Variants in NBEA observed in about 807,000 individuals in gnomAD.
NBEA encodes neurobeachin.
Under a neutral mutation model 343.4 loss-of-function variants are expected in NBEA, and 44 were observed. The observed-to-expected ratio is 0.13, with a 90% confidence interval of 0.10 to 0.16. NBEA has a LOEUF of 0.16. Among genes scored for constraint, NBEA ranks in the 10% least tolerant of loss-of-function variants. The pLI is 1.00. For missense variants in NBEA, 2,555 were observed against 3,631.3 expected (o/e 0.70, Z 7.62); for synonymous variants, 1,175 against 1,238.7 (o/e 0.95, Z 1.08).
intron 44 of NBEA, among the ~76,000 whole-genome samples, chr13:35,556,922 T>C (rs2079597479): frequency 6.6e-6 from 1 of 152,174 alleles, no homozygotes; most frequent in Non-Finnish European, 1.5e-5. Context: ...GGGATGATAT[T>C]CTCTGTACGT....
intron 40 of NBEA, among the ~76,000 whole-genome samples, chr13:35,471,325 G>T (rs1478705515): frequency 6.6e-6 from 1 of 152,204 alleles, no homozygotes; most frequent in Admixed American, 6.5e-5. Flanking sequence ...CGCCCGGAGG[G>T]CCGAGGCCTA....
intron 41 of NBEA, among the ~76,000 whole-genome samples, chr13:35,502,873 A>G (rs1437843364): frequency 6.6e-6 from 1 of 152,198 alleles, no homozygotes; most frequent in East Asian, 1.9e-4. Flanking sequence ...AATGGAAACT[A>G]GAAAGCTTAA....
intron 13 of NBEA, among the ~76,000 whole-genome samples, chr13:35,116,666 A>G (rs551761144): frequency 6.6e-6 from 1 of 152,186 alleles, no homozygotes; most frequent in African/African-American, 2.4e-5. Context: ...GTAAAGCAGT[A>G]GATAAATACT....
chr13:34,970,718 T>C (rs2059971356), intron 1 of NBEA, among the ~76,000 whole-genome samples: 1 of 152,084 alleles, frequency 6.6e-6, no homozygotes, highest in Non-Finnish European at 1.5e-5. Context: ...CTGGGTTCTT[T>C]TTTCTGTTGA....
chr13:35,119,793 G>A (rs1050134439), intron 16 of NBEA, among the ~76,000 whole-genome samples: 2 of 152,174 alleles, frequency 1.3e-5, no homozygotes, highest in African/African-American at 4.8e-5. Flanking sequence ...GTTTCACCAT[G>A]TTAGCCAGGA....
intron 36 of NBEA, among the ~76,000 whole-genome samples, chr13:35,336,384 T>C (rs1016347264): frequency 1.3e-5 from 2 of 152,100 alleles, no homozygotes; most frequent in East Asian, 1.9e-4. Flanking sequence ...TTTTAAAATA[T>C]GTTCCACTAG....
intron 18 of NBEA, among the ~76,000 whole-genome samples, chr13:35,146,419 C>T (rs1164735256): frequency 6.6e-6 from 1 of 152,084 alleles, no homozygotes; most frequent in Non-Finnish European, 1.5e-5. Flanking sequence ...TGTCGAGTTA[C>T]CCAAAGCTCC....
chr13:35,002,968 G>A (rs963429276), intron 1 of NBEA, among the ~76,000 whole-genome samples: 2 of 152,080 alleles, frequency 1.3e-5, no homozygotes, highest in Non-Finnish European at 2.9e-5. Context: ...GGTACATACC[G>A]TAAGCCAACA....
At chr13:35,118,321 T>A in intron 15 of NBEA, 31 bp downstream of exon 15, 2 of 1,564,074 alleles carry the variant, frequency 1.3e-6, no homozygotes, top group African/African-American at 1.4e-5. Flanking sequence ...TTTATTTTAA[T>A]TATTTAAGCC....
intron 38 of NBEA, among the ~76,000 whole-genome samples, chr13:35,430,730 T>G (rs1296823362): frequency 6.6e-6 from 1 of 152,172 alleles, no homozygotes; most frequent in Non-Finnish European, 1.5e-5. Context: ...GACTTAATTT[T>G]AACATAATCT....
In NBEA at chr13:35,469,052, A is replaced by G. The variant is rs1052268250; in HGVS notation, c.6449-3348A>G. 3.8e-5 allele frequency among the ~76,000 whole-genome samples: 5 copies of G among 132,090 alleles called. No homozygotes were observed. In the East Asian group the frequency reaches 1.2e-3, roughly 31 times the overall value. The allele number at this position is 132,090 out of a possible 152,430, so 86.7% of individuals were successfully genotyped here. ...GGGCAGAAGTTGCAGTGAGCCAGAG[A>G]TTGAGCCATTGCACTCCAGCCTGGG... On this transcript the variant is annotated intron_variant, in intron 40 of 58. Coordinates refer to ENST00000379939, the MANE Select transcript of NBEA (RefSeq NM_001385012.1).
At chr13:35,199,421 A>C (rs2072861447) in intron 31 of NBEA, among the ~76,000 whole-genome samples, 3 of 152,088 alleles carry the variant, frequency 2.0e-5, no homozygotes, top group Admixed American at 6.6e-5. Context: ...TTTACCAATA[A>C]CGTGTTTTTC....
intron 10 of NBEA, among the ~76,000 whole-genome samples, chr13:35,074,534 G>A (rs1053882395): frequency 1.4e-4 from 22 of 152,106 alleles, no homozygotes; most frequent in Admixed American, 2.0e-4. Flanking sequence ...AATATATTGC[G>A]TAAGTGTTCT....
intron 41 of NBEA, chr13:35,474,969 C>T (rs545198662): frequency 2.2e-6 from 3 of 1,345,850 alleles, no homozygotes; most frequent in East Asian, 2.3e-5. Flanking sequence ...GTTTGCACTG[C>T]GGAGTGGAAT....
intron 4 of NBEA, among the ~76,000 whole-genome samples, chr13:35,047,372 T>G (rs1206949106): frequency 6.6e-6 from 1 of 151,986 alleles, no homozygotes; most frequent in African/African-American, 2.4e-5. Context: ...CAAATACAGC[T>G]TGCTACAATA....
chr13:35,295,330 T>C (rs1243646517), intron 35 of NBEA, among the ~76,000 whole-genome samples: 1 of 151,820 alleles, frequency 6.6e-6, no homozygotes, highest in African/African-American at 2.4e-5. Flanking sequence ...TCATTGACTA[T>C]AGATTCTGTT....
intron 50 of NBEA, 57 bp from the exon 51 acceptor site, chr13:35,646,202 G>A (rs1162817852): frequency 2.3e-6 from 3 of 1,320,344 alleles, no homozygotes; most frequent in Non-Finnish European, 1.1e-6. Context: ...CAAAGAGTGT[G>A]TTGGCCTCTC....
chr13:35,016,778 A>G (rs114725309), intron 1 of NBEA, among the ~76,000 whole-genome samples: 10 of 152,146 alleles, frequency 6.6e-5, no homozygotes, highest in Admixed American at 3.3e-4. Flanking sequence ...AGAGGCAGCA[A>G]CTCAAACTGA....
At chr13:35,412,823 C>A (rs983970973) in intron 38 of NBEA, among the ~76,000 whole-genome samples, 1 of 152,114 alleles carries the variant, frequency 6.6e-6, no homozygotes, top group Non-Finnish European at 1.5e-5. Context: ...GCAAGGAAGT[C>A]AGACTGCCTG....
Sources: allele counts gnomAD v4.1 joint callset (sites outside exome capture counted in the v4.1 genomes callset), GRCh38; gene constraint gnomAD v4.1.1; transcripts MANE v1.5; gene names NCBI Gene and HGNC (gene_info 2026-07-23, HGNC 2026-07-21).